The following TANC2 variants were observed in gnomAD, a reference collection of about 807,000 sequenced individuals.
The protein encoded by TANC2 is tetratricopeptide repeat, ankyrin repeat and coiled-coil containing 2.
A neutral mutation model predicts 210.5 loss-of-function variants in TANC2; 26 were observed. The observed-to-expected ratio is 0.12, with a 90% confidence interval of 0.09 to 0.17. TANC2 has a LOEUF of 0.17. Among genes scored for constraint, TANC2 ranks in the 10% least tolerant of loss-of-function variants. The probability of loss-of-function intolerance (pLI) is 1.00; values close to 1 mark genes in which losing one functional copy is unlikely to be tolerated. For missense variants in TANC2, 2,129 were observed against 2,608.9 expected (o/e 0.82, Z 4.01); for synonymous variants, 931 against 967.1 (o/e 0.96, Z 0.69).
chr17:63,219,532 T>C (rs555711998), intron 7 of TANC2, among the ~76,000 whole-genome samples: 3 of 152,172 alleles, frequency 2.0e-5, no homozygotes, highest in Non-Finnish European at 4.4e-5. Flanking sequence ...TGTCTCAGCC[T>C]CCCGAGTAGC....
intron 5 of TANC2, among the ~76,000 whole-genome samples, chr17:63,183,225 G>T (rs918115767): frequency 3.9e-5 from 6 of 152,372 alleles, no homozygotes; most frequent in South Asian, 2.1e-4. Context: ...TGTCTGAAAT[G>T]TGAGCCAGGT....
chr17:63,227,829 C>T (rs987615251), intron 7 of TANC2, among the ~76,000 whole-genome samples: 2 of 152,032 alleles, frequency 1.3e-5, no homozygotes, highest in Non-Finnish European at 2.9e-5. Flanking sequence ...ATATGGCTAG[C>T]CAATTCTCCC....
chr17:63,247,122 A>T (rs898288804), intron 8 of TANC2, among the ~76,000 whole-genome samples: 3 of 152,026 alleles, frequency 2.0e-5, no homozygotes, highest in African/African-American at 7.2e-5. Context: ...GCACATTTTC[A>T]TATTGGGTTA....
chr17:63,406,497 T>A (rs2048512228), intron 21 of TANC2, among the ~76,000 whole-genome samples: 1 of 152,240 alleles, frequency 6.6e-6, no homozygotes. Flanking sequence ...GAAATTAACA[T>A]ATTCTAAATT....
intron 1 of TANC2, among the ~76,000 whole-genome samples, chr17:62,993,927 A>G (rs1331747304): frequency 6.6e-6 from 1 of 152,172 alleles, no homozygotes; most frequent in Non-Finnish European, 1.5e-5. Flanking sequence ...CTGTCTCAAA[A>G]GAAAAAAAAA....
chr17:63,353,686 G>A (rs1177307341), intron 13 of TANC2, among the ~76,000 whole-genome samples: 1 of 151,980 alleles, frequency 6.6e-6, no homozygotes, highest in African/African-American at 2.4e-5. Context: ...AAAAAAAAGA[G>A]CCAGCAAAAA....
chr17:63,359,132 C>T (rs1024578030), intron 14 of TANC2, among the ~76,000 whole-genome samples: 1 of 151,986 alleles, frequency 6.6e-6, no homozygotes, highest in Non-Finnish European at 1.5e-5. Context: ...GGCACAGTCA[C>T]GGCTCACTGA....
intron 5 of TANC2, among the ~76,000 whole-genome samples, chr17:63,185,471 T>C (rs1035990798): frequency 3.3e-5 from 5 of 152,190 alleles, no homozygotes; most frequent in African/African-American, 1.2e-4. Flanking sequence ...CACCTATTAG[T>C]ATACTTTTCC....
intron 2 of TANC2, among the ~76,000 whole-genome samples, chr17:63,052,001 C>T (rs2035599536): frequency 6.6e-6 from 1 of 152,114 alleles, no homozygotes; most frequent in African/African-American, 2.4e-5. Context: ...GCACATCCTG[C>T]AGATAAGGCG....
chr17:62,977,553 T>A (rs1006030971), intron 1 of TANC2, among the ~76,000 whole-genome samples: 1 of 152,226 alleles, frequency 6.6e-6, no homozygotes, highest in Non-Finnish European at 1.5e-5. Context: ...TGTAGGCATT[T>A]ATTGGTTGTC....
intron 4 of TANC2, among the ~76,000 whole-genome samples, chr17:63,137,797 A>G (rs74780511): frequency 2.6e-5 from 4 of 152,310 alleles, no homozygotes; most frequent in African/African-American, 9.6e-5. Context: ...AAATAAATAA[A>G]TAAATTTAGG....
At chr17:63,117,495 AAAG>A (rs1247461674) in intron 4 of TANC2, among the ~76,000 whole-genome samples, 1 of 152,216 alleles carries the variant, frequency 6.6e-6, no homozygotes, top group Non-Finnish European at 1.5e-5. Context: ...CTGGATACAA[AAAG>A]AAGCAGGTGA....
intron 1 of TANC2, among the ~76,000 whole-genome samples, chr17:62,973,549 A>C (rs1208606164): frequency 6.6e-6 from 1 of 152,194 alleles, no homozygotes; most frequent in Non-Finnish European, 1.5e-5. Context: ...AGGCACCAGG[A>C]GGTAGGTTTA....
At chr17:63,127,944 G>C (rs1285024983) in intron 4 of TANC2, among the ~76,000 whole-genome samples, 1 of 152,168 alleles carries the variant, frequency 6.6e-6, no homozygotes, top group Admixed American at 6.5e-5. Flanking sequence ...TTAGAGGCCA[G>C]TAGGCTACCT....
intron 7 of TANC2, among the ~76,000 whole-genome samples, chr17:63,222,720 A>ACACACACACAC (rs2042226859): frequency 2.7e-5 from 4 of 148,866 alleles, no homozygotes; most frequent in African/African-American, 9.9e-5. Context: ...AAACTGATTA[A>ACACACACACAC]ACACACACAC....
At chr17:63,423,093 G>GGT (rs1194021916) in exon 28 of TANC2, 1 of 152,092 alleles carries the variant, frequency 6.6e-6, no homozygotes, top group Non-Finnish European at 1.5e-5. Flanking sequence ...TTCCACCCAG[G>GGT]GTCATGCCCG....
intron 9 of TANC2, among the ~76,000 whole-genome samples, chr17:63,269,059 A>G (rs2043617242): frequency 6.6e-6 from 1 of 152,158 alleles, no homozygotes; most frequent in African/African-American, 2.4e-5. Context: ...CACGTGCACA[A>G]TTCCCATGGG....
intron 4 of TANC2, among the ~76,000 whole-genome samples, chr17:63,124,442 T>C (rs187383226): frequency 1.3e-5 from 2 of 152,302 alleles, no homozygotes; most frequent in South Asian, 2.1e-4. Context: ...GATTCTGCCT[T>C]TTGCTCTCCT....
chr17:63,126,207 C>G (rs1356280331), intron 4 of TANC2, among the ~76,000 whole-genome samples: 1 of 152,166 alleles, frequency 6.6e-6, no homozygotes, highest in Non-Finnish European at 1.5e-5. Flanking sequence ...ATTATATCCT[C>G]AGTCTTTAGC....
Sources: gnomAD v4.1 joint callset for allele counts (sites outside exome capture counted in the v4.1 genomes callset) on GRCh38, gnomAD v4.1.1 for gene constraint, MANE v1.5 for transcripts, NCBI Gene and HGNC (gene_info 2026-07-23, HGNC 2026-07-21) for gene names.